Variants in WDR72 observed in about 807,000 individuals in gnomAD.
WDR72 encodes WD repeat domain 72.
Under a neutral mutation model 124.2 loss-of-function variants are expected in WDR72, and 120 were observed. The observed-to-expected ratio is 0.97, with a 90% CI of 0.83 to 1.12. The LOEUF (loss-of-function observed/expected upper bound fraction) is 1.12. Ranked by LOEUF, WDR72 falls within the 50% of genes most tolerant of loss-of-function variation. The pLI is 0.00. For synonymous variants in WDR72, 452 were observed against 441.7 expected, an observed-to-expected ratio of 1.02 and a Z score of -0.29; for missense variants, 1,387 against 1,278.8, an observed-to-expected ratio of 1.08 and a Z score of -1.29.
chr15:53,524,656 T>G (rs995606083), intron 18 of WDR72, among the ~76,000 whole-genome samples: 6 of 152,124 alleles, frequency 3.9e-5, no homozygotes, highest in African/African-American at 1.4e-4. Context: ...CCTTCTAGAT[T>G]GTTTCACCAA....
chr15:53,634,862 T>C (rs1345587220), intron 14 of WDR72, among the ~76,000 whole-genome samples: 1 of 152,222 alleles, frequency 6.6e-6, no homozygotes, highest in African/African-American at 2.4e-5. Context: ...GGTGGGTAGC[T>C]GACTTCCACC....
At chr15:53,736,277 T>A (rs2018350954) in intron 1 of WDR72, among the ~76,000 whole-genome samples, 1 of 152,038 alleles carries the variant, frequency 6.6e-6, no homozygotes, top group Non-Finnish European at 1.5e-5. Context: ...GAGGAGGGCA[T>A]CAGGATAGGA....
intron 3 of WDR72, among the ~76,000 whole-genome samples, chr15:53,718,199 C>G (rs2017767593): frequency 7.0e-6 from 1 of 142,898 alleles, no homozygotes; most frequent in Non-Finnish European, 1.5e-5. Flanking sequence ...TGTTGGGATC[C>G]TGGCATGTGT....
intron 18 of WDR72, among the ~76,000 whole-genome samples, chr15:53,585,520 C>G (rs973630947): frequency 7.9e-5 from 12 of 152,000 alleles, no homozygotes; most frequent in Non-Finnish European, 7.4e-5. Flanking sequence ...CTATTGGGTA[C>G]TCACTTTCCT....
chr15:53,593,864 A>T (rs865904733), intron 18 of WDR72, among the ~76,000 whole-genome samples: 1 of 152,098 alleles, frequency 6.6e-6, no homozygotes, highest in African/African-American at 2.4e-5. Flanking sequence ...TAAAATTAGT[A>T]TGTAAAATAA....
intron 18 of WDR72, among the ~76,000 whole-genome samples, chr15:53,577,217 CTTA>C (rs2011664739): frequency 6.6e-6 from 1 of 152,124 alleles, no homozygotes; most frequent in African/African-American, 2.4e-5. Flanking sequence ...ACTGTAAAAG[CTTA>C]TTAAGGGAAT....
At chr15:53,572,166 T>G (rs1232807321) in intron 18 of WDR72, among the ~76,000 whole-genome samples, 1 of 152,230 alleles carries the variant, frequency 6.6e-6, no homozygotes, top group East Asian at 1.9e-4. Flanking sequence ...TTCTGTAGGT[T>G]GTCTTCACTC....
chr15:53,665,442 TTGGTAGATGCAGCAGTCTCTTAGTTCTTG>T, intron 14 of WDR72, 101 bp downstream of exon 14: 1 of 989,332 alleles, frequency 1.0e-6, no homozygotes, highest in Non-Finnish European at 1.6e-6. Flanking sequence ...CCAAGATTAC[TTGGTAGATGCAGCAGTCTCTTAGTTCTTG>T]TTTTCATGCT....
chr15:53,710,732 A>G, intron 9 of WDR72, 125 bp downstream of exon 9: 1 of 783,392 alleles, frequency 1.3e-6, no homozygotes, highest in East Asian at 2.6e-5. Context: ...TGATTTTCTC[A>G]TTAACAACTT....
Position 53,562,676 on chromosome 15 carries a change from G to A in WDR72, c.3148+34403C>T, listed in dbSNP as rs563989727. 2.5e-4 allele frequency among the ~76,000 whole-genome samples: 38 copies of A among 151,802 alleles called. No individual in the cohort carries two copies. The South Asian group carries it at 7.5e-3, about 30-fold the overall frequency. On this transcript the variant is annotated intron_variant, in intron 18 of 19. Coordinates refer to ENST00000360509, the MANE Select transcript of WDR72 (RefSeq NM_182758.4). ...AGAGGGATGATGATATATAAATGAT[G>A]TTAATAAGAATGGATAAAAATAAAA...
intron 17 of WDR72, among the ~76,000 whole-genome samples, chr15:53,608,067 T>C (rs1466704424): frequency 6.6e-6 from 1 of 152,052 alleles, no homozygotes; most frequent in African/African-American, 2.4e-5. Context: ...TGTAAATGAG[T>C]ACAACCACTA....
chr15:53,521,317 A>G (rs1891781127), intron 19 of WDR72, among the ~76,000 whole-genome samples: 1 of 152,036 alleles, frequency 6.6e-6, no homozygotes, highest in Non-Finnish European at 1.5e-5. Flanking sequence ...CCACGGATCA[A>G]TATGAGCAAT....
intron 13 of WDR72, among the ~76,000 whole-genome samples, chr15:53,690,235 T>TA (rs200395421): frequency 0.014 from 2,060 of 151,978 alleles, 32 homozygotes; most frequent in East Asian, 0.069. Context: ...AAAAAAAACT[T>TA]AAAAAAAATT....
intron 14 of WDR72, among the ~76,000 whole-genome samples, chr15:53,661,395 A>G (rs1436580550): frequency 1.3e-5 from 2 of 152,052 alleles, no homozygotes; most frequent in African/African-American, 4.8e-5. Context: ...GAGAGGGAGG[A>G]GCTCTTATTA....
intron 3 of WDR72, among the ~76,000 whole-genome samples, chr15:53,722,083 G>C (rs1218967770): frequency 1.3e-5 from 2 of 151,664 alleles, no homozygotes; most frequent in African/African-American, 2.4e-5. Flanking sequence ...GCCCAGGCTG[G>C]AGTGCAGTGG....
intron 3 of WDR72, among the ~76,000 whole-genome samples, chr15:53,721,880 T>C (rs2017885270): frequency 6.6e-6 from 1 of 152,126 alleles, no homozygotes; most frequent in Admixed American, 6.5e-5. Context: ...AGTGGAACTT[T>C]TTCCTACAGG....
At chr15:53,727,080 G>A (rs988019879) in intron 2 of WDR72, among the ~76,000 whole-genome samples, 2 of 152,064 alleles carry the variant, frequency 1.3e-5, no homozygotes, top group African/African-American at 2.4e-5. Context: ...GGGAGGCTGA[G>A]GCGGGTGGAT....
intron 14 of WDR72, among the ~76,000 whole-genome samples, chr15:53,635,784 A>G (rs184478221): frequency 4.0e-4 from 61 of 152,212 alleles, no homozygotes; most frequent in Middle Eastern, 3.4e-3. Context: ...CCCAAACCTT[A>G]GCATCATGCA....
chr15:53,549,530 GCCC>G (rs1893638194), intron 18 of WDR72, among the ~76,000 whole-genome samples: 2 of 152,060 alleles, frequency 1.3e-5, no homozygotes, highest in Admixed American at 1.3e-4. Flanking sequence ...AAATTAACAT[GCCC>G]TTTTCACACA....
Sources: allele counts gnomAD v4.1 joint callset (sites outside exome capture counted in the v4.1 genomes callset), GRCh38; gene constraint gnomAD v4.1.1; transcripts MANE v1.5; gene names NCBI Gene and HGNC (gene_info 2026-07-23, HGNC 2026-07-21).